The following CHD2 variants were observed in gnomAD, a reference collection of about 807,000 sequenced individuals.
The protein encoded by CHD2 is ATP-dependent chromatin remodeler CHD2.
CHD2 carries 28 observed loss-of-function variants against 243.9 expected under a neutral mutation model. The observed-to-expected ratio is 0.11, with a 90% CI of 0.09 to 0.16. CHD2 has a LOEUF of 0.16. CHD2 is among the 10% of genes least tolerant of loss of function. The probability of loss-of-function intolerance (pLI) is 1.00; values close to 1 mark genes in which losing one functional copy is unlikely to be tolerated. For missense variants in CHD2, 1,386 were observed against 2,209.8 expected (o/e 0.63, Z 7.47); for synonymous variants, 775 against 779.0 (o/e 0.99, Z 0.09).
chr15:92,990,325 T>C (rs1275788128), intron 26 of CHD2, among the ~76,000 whole-genome samples: 2 of 152,202 alleles, frequency 1.3e-5, no homozygotes, highest in Non-Finnish European at 2.9e-5. Flanking sequence ...GTGGGAATAG[T>C]GCAAGTTAAA....
Position 92,937,500 on chromosome 15 carries a change from T to C in CHD2, c.444-18T>C. 6.4e-7 allele frequency: 1 copy of C among 1,555,382 alleles called. No homozygotes were observed. The highest frequency in any genetic ancestry group is 8.7e-7 in the Non-Finnish European group (1 of 1,151,434). On this transcript the variant is annotated intron_variant, in intron 5 of 38. Transcript: ENST00000394196. ...ATTCTTTTAGAAAAAAATTACTTTG[T>C]TTTGCTTTTGATCACAGAGAAAAAT...
intron 2 of CHD2, among the ~76,000 whole-genome samples, chr15:92,911,509 T>TGGCAGATCACTTGAGGCC (rs2052733950): frequency 6.6e-6 from 1 of 152,098 alleles, no homozygotes; most frequent in Non-Finnish European, 1.5e-5. Flanking sequence ...AGGCTGAGGC[T>TGGCAGATCACTTGAGGCC]GGCAGATCAC....
intron 19 of CHD2, among the ~76,000 whole-genome samples, chr15:92,973,770 G>A (rs2053873214): frequency 6.6e-6 from 1 of 152,088 alleles, no homozygotes; most frequent in African/African-American, 2.4e-5. Flanking sequence ...TTCTCTCTAG[G>A]GAATAGATAA....
chr15:92,917,844 A>G (rs193238742), intron 2 of CHD2, among the ~76,000 whole-genome samples: 2 of 152,344 alleles, frequency 1.3e-5, no homozygotes, highest in Admixed American at 6.5e-5. Flanking sequence ...GATTAGGAGA[A>G]TTTTGACATA....
chr15:92,927,579 G>C (rs1246286407), intron 4 of CHD2, among the ~76,000 whole-genome samples: 2 of 151,912 alleles, frequency 1.3e-5, no homozygotes, highest in African/African-American at 4.8e-5. Flanking sequence ...ACCTCAAAAT[G>C]GTTTATTTTT....
At chr15:92,918,045 T>C (rs977039516) in intron 2 of CHD2, among the ~76,000 whole-genome samples, 1 of 152,180 alleles carries the variant, frequency 6.6e-6, no homozygotes, top group Non-Finnish European at 1.5e-5. Context: ...AAATAAACAC[T>C]AAAGTGAAAT....
chr15:92,915,551 G>A (rs1427770524), intron 2 of CHD2, among the ~76,000 whole-genome samples: 2 of 152,144 alleles, frequency 1.3e-5, no homozygotes, highest in East Asian at 3.8e-4. Flanking sequence ...GATTACAGGC[G>A]TGAGCCACCA....
At chr15:93,008,586 G>A (rs2054351676) in intron 34 of CHD2, among the ~76,000 whole-genome samples, 1 of 152,002 alleles carries the variant, frequency 6.6e-6, no homozygotes. Flanking sequence ...CCAATATTTT[G>A]TTGCCATTAT....
At chr15:92,983,736 GAA>G (rs1444032421) in intron 24 of CHD2, among the ~76,000 whole-genome samples, 1 of 152,176 alleles carries the variant, frequency 6.6e-6, no homozygotes. Flanking sequence ...GAAATGAAGA[GAA>G]TATTCTTCTA....
At chr15:92,962,878 T>C (rs2388024) in intron 16 of CHD2, among the ~76,000 whole-genome samples, 118,036 of 152,062 alleles carry the variant, frequency 0.78, 47,041 homozygotes, top group East Asian at 1. Flanking sequence ...CTGGTCAATA[T>C]CAGAATGTCC....
At chr15:92,904,714 C>T (rs2052587137) in intron 2 of CHD2, 1 of 1,396,344 alleles carries the variant, frequency 7.2e-7, no homozygotes, top group Non-Finnish European at 9.3e-7. Context: ...ATTTGGAAAT[C>T]TTAAAATAGA....
chr15:92,953,372 C>T lies in CHD2; in HGVS notation c.1518C>T (p.Ile506=), dbSNP rs267604390. The change falls in exon 14 of 39, where the codon ATC becomes ATT. Residue 506 remains isoleucine (I), a synonymous_variant. Transcript: ENST00000394196. ...AHSWCKNNSV[I]LADEMGLGKT... ...CTTTCTGCAGAAATAATAGTGTAAT[C>T]CTTGCTGATGAAATGGGCCTAGGAA... The T allele has an allele frequency of 6.2e-7, 1 of 1,613,770 alleles. No individual in the cohort carries two copies. The highest frequency in any genetic ancestry group is 2.2e-5 in the East Asian group (1 of 44,878).
intron 19 of CHD2, 25 bp downstream of exon 19, chr15:92,972,442 T>TG (rs763132996): frequency 2.6e-6 from 4 of 1,563,250 alleles, no homozygotes; most frequent in African/African-American, 1.4e-5. Flanking sequence ...GTAATTGCTG[T>TG]GGGGGGAATC....
At chr15:93,020,306 T>A in intron 38 of CHD2, 48 bp downstream of exon 38, 1 of 1,611,942 alleles carries the variant, frequency 6.2e-7, no homozygotes. Context: ...TGCCAGGAGC[T>A]GTTTCTAGGG....
intron 28 of CHD2, chr15:92,993,278 AC>A (rs936235706): frequency 2.2e-5 from 7 of 319,718 alleles, no homozygotes; most frequent in Admixed American, 4.3e-5. Flanking sequence ...TGATGTAAAA[AC>A]CCAGGGGCAG....
chr15:92,974,934 A>G lies in CHD2; in HGVS notation c.2561A>G (p.Asn854Ser), dbSNP rs746103401. Residue 854 changes from asparagine (N) to serine (S), a missense_variant, in exon 20 of 39, where the codon AAT (asparagine) becomes AGT (serine). Asn to Ser is a conservative substitution (Grantham distance 46, BLOSUM62 1). Coordinates refer to ENST00000394196, the MANE Select transcript of CHD2 (RefSeq NM_001271.4). ...CGAAAACAGGCACTGGACCACTTCA[A>G]TGCAGATGGGTCTGAGGTATACTAT... ...EIRKQALDHF[N>S]ADGSEDFCFL... The G allele has an allele frequency of 1.2e-5, 20 of 1,613,706 alleles. No homozygotes were observed. The highest frequency in any genetic ancestry group is 2.2e-5 in the East Asian group (1 of 44,872).
At chr15:92,910,371 G>T (rs1339093061) in intron 2 of CHD2, among the ~76,000 whole-genome samples, 2 of 152,122 alleles carry the variant, frequency 1.3e-5, no homozygotes, top group East Asian at 3.9e-4. Flanking sequence ...TTAAAGGCCT[G>T]TGGGTGACCT....
chr15:92,966,015 A>G (rs1041459447), intron 16 of CHD2, among the ~76,000 whole-genome samples: 10 of 151,714 alleles, frequency 6.6e-5, no homozygotes, highest in Non-Finnish European at 1.3e-4. Flanking sequence ...TGTGTGAGGT[A>G]TCATCTCCAG....
chr15:92,974,854 G>C (rs753822673), intron 19 of CHD2, 25 bp from the exon 20 acceptor site: 7 of 1,610,636 alleles, frequency 4.3e-6, no homozygotes, highest in Middle Eastern at 1.7e-4. Flanking sequence ...CTATCTTACA[G>C]TTTTCTTGTG....
Sources: allele counts gnomAD v4.1 joint callset (sites outside exome capture counted in the v4.1 genomes callset), GRCh38; gene constraint gnomAD v4.1.1; transcripts MANE v1.5; gene names NCBI Gene and HGNC (gene_info 2026-07-23, HGNC 2026-07-21).